The following PRKN variants were observed in gnomAD, a reference collection of about 807,000 sequenced individuals.
PRKN encodes the protein parkin RBR E3 ubiquitin protein ligase, also known as E3 ubiquitin-protein ligase parkin.
A neutral mutation model predicts 59.5 loss-of-function variants in PRKN; 56 were observed. That is an observed-to-expected ratio of 0.94 (90% confidence interval 0.76 to 1.18). PRKN has a LOEUF of 1.18. Ranked by LOEUF, PRKN falls within the 50% of genes most tolerant of loss-of-function variation. The pLI, the probability that PRKN is intolerant of heterozygous loss-of-function variation, is 0.00. For missense variants in PRKN, 657 were observed against 596.4 expected, an observed-to-expected ratio of 1.10 and a Z score of -1.06; for synonymous variants, 250 against 222.1, an observed-to-expected ratio of 1.13 and a Z score of -1.12.
At chr6:162,075,098 A>G (rs1329993132) in intron 4 of PRKN, among the ~76,000 whole-genome samples, 2 of 152,218 alleles carry the variant, frequency 1.3e-5, no homozygotes, top group South Asian at 4.1e-4. Context: ...TGGCTGTTGC[A>G]TGGAGGAAAG....
chr6:161,407,840 C>A lies in PRKN; in HGVS notation c.1084-20963G>T, dbSNP rs575694223. On this transcript the variant is annotated intron_variant, in intron 9 of 11. Coordinates refer to ENST00000366898, the MANE Select transcript of PRKN (RefSeq NM_004562.3). This position sits in a 1 kb window ranked among gnomAD's most constrained non-coding sequence, Gnocchi z 4.9. ...AGTTGACCTTGTGACATTCTTCTTT[C>A]GGACAATGAGTCTTATGATCTCCCC... 1.3e-5 allele frequency among the ~76,000 whole-genome samples: 2 copies of A among 152,138 alleles called. No homozygotes were observed. The highest frequency in any genetic ancestry group is 6.5e-5 in the Admixed American group (1 of 15,272).
At chr6:161,713,992 T>C (rs6935429) in intron 7 of PRKN, among the ~76,000 whole-genome samples, 3,684 of 152,266 alleles carry the variant, frequency 0.024, 172 homozygotes, top group African/African-American at 0.085. Context: ...TCTGCCATGA[T>C]TGTGAGGCCT....
chr6:161,832,213 C>T (rs994846057), intron 6 of PRKN, among the ~76,000 whole-genome samples: 3 of 152,210 alleles, frequency 2.0e-5, no homozygotes, highest in Non-Finnish European at 2.9e-5. Context: ...TGTTTTAAAA[C>T]TCAAAATAAG....
At chr6:162,306,997 G>A (rs1782259261) in intron 2 of PRKN, among the ~76,000 whole-genome samples, 1 of 152,134 alleles carries the variant, frequency 6.6e-6, no homozygotes, top group South Asian at 2.1e-4. Flanking sequence ...TTAAATTCAA[G>A]ATTTGTATTT....
intron 9 of PRKN, among the ~76,000 whole-genome samples, chr6:161,490,416 A>C (rs1282163110): frequency 3.8e-5 from 4 of 106,546 alleles, no homozygotes; most frequent in African/African-American, 7.6e-5. Context: ...ACAGAGTCTC[A>C]CTCTGTTGCC....
At chr6:162,477,356 C>G (rs562939130) in intron 1 of PRKN, among the ~76,000 whole-genome samples, 1 of 152,202 alleles carries the variant, frequency 6.6e-6, no homozygotes, top group Non-Finnish European at 1.5e-5. Flanking sequence ...AAAATAAATT[C>G]GCTGATGAAT....
At chr6:161,420,073 C>A (rs1788022994) in intron 9 of PRKN, among the ~76,000 whole-genome samples, 1 of 151,772 alleles carries the variant, frequency 6.6e-6, no homozygotes, top group African/African-American at 2.4e-5. Flanking sequence ...CCCGTCTCTA[C>A]TAAAAATACA....
At chr6:162,225,204 T>C (rs376843452) in intron 3 of PRKN, among the ~76,000 whole-genome samples, 1 of 152,232 alleles carries the variant, frequency 6.6e-6, no homozygotes, top group East Asian at 1.9e-4. Context: ...CCTGCTCTCA[T>C]AGTAACTAAT....
chr6:162,275,404 G>A (rs1780590235), intron 2 of PRKN: 1 of 152,108 alleles, frequency 6.6e-6, no homozygotes, highest in Non-Finnish European at 1.5e-5. Flanking sequence ...CAGAATAAAT[G>A]CTCTATTATT....
rs1242898850 is a variant in PRKN at position 161,349,274 on chromosome 6, C to T, written c.*825G>A. ...ATCTCCAAGTTGCAAAATGAATACT[C>T]AGAATCAAACTATAGATTTTTTGGT... On this transcript the variant is annotated 3_prime_UTR_variant, in exon 12 of 12. Coordinates refer to ENST00000366898, the MANE Select transcript of PRKN (RefSeq NM_004562.3). This position sits in a 1 kb window ranked among gnomAD's most constrained non-coding sequence, Gnocchi z 5.5. 8.9e-6 allele frequency: 2 copies of T among 225,726 alleles called. No homozygotes were observed. The highest frequency in any genetic ancestry group is 4.4e-5 in the African/African-American group (2 of 44,944). The allele number at this position is 225,726 out of a possible 1,614,324, so 14.0% of individuals were successfully genotyped here.
chr6:162,471,915 G>A (rs968380691), intron 1 of PRKN, among the ~76,000 whole-genome samples: 5 of 152,140 alleles, frequency 3.3e-5, no homozygotes, highest in Non-Finnish European at 2.9e-5. Context: ...TCTGTCCTCC[G>A]ATTGAAGAAG....
chr6:161,350,625 T>A (rs1784495233), intron 11 of PRKN, among the ~76,000 whole-genome samples: 1 of 120,434 alleles, frequency 8.3e-6, no homozygotes, highest in Non-Finnish European at 1.6e-5. Context: ...TATATATATT[T>A]TTATATATTT....
chr6:162,124,704 G>T (rs1781053197), intron 4 of PRKN, among the ~76,000 whole-genome samples: 1 of 152,114 alleles, frequency 6.6e-6, no homozygotes, highest in East Asian at 1.9e-4. Context: ...AATGCCACGG[G>T]ATTAAAAATA....
intron 1 of PRKN, among the ~76,000 whole-genome samples, chr6:162,667,967 T>C (rs1245184849): frequency 6.6e-6 from 1 of 152,126 alleles, no homozygotes; most frequent in Non-Finnish European, 1.5e-5. Flanking sequence ...ATAAGCACAA[T>C]TACTTATTTT....
Position 162,262,565 on chromosome 6 carries a change from G to T in PRKN, c.372C>A (p.His124Gln). The part of the protein sequence containing the change: ...GDSVGLAVIL[H>Q]TDSRKDSPPA... ...GTGGTGAGTCCTTCCTGCTGTCAGT[G>T]TGCAGAATGACAGCCAGCCCCACAG... Residue 124 changes from histidine to glutamine, a missense_variant, in exon 3 of 12, where the codon CAC becomes CAA. By Grantham distance (24) the His-to-Gln change is conservative. Transcript: ENST00000366898. 1 of 1,613,088 alleles carries T rather than the reference G, an allele frequency of 6.2e-7. No homozygotes were observed. Among genetic ancestry groups the T allele is most frequent in the African/African-American group, 1.3e-5 (1 of 75,014 alleles).
chr6:161,972,122 A>G (rs997867043), intron 6 of PRKN, among the ~76,000 whole-genome samples: 3 of 152,022 alleles, frequency 2.0e-5, no homozygotes, highest in African/African-American at 7.3e-5. Flanking sequence ...TAAAAATACA[A>G]AATAAGCCTG....
At chr6:161,786,659 C>T (rs1016395867) in intron 6 of PRKN, among the ~76,000 whole-genome samples, 4 of 152,120 alleles carry the variant, frequency 2.6e-5, no homozygotes, top group African/African-American at 7.2e-5. Context: ...AATTTCCCCA[C>T]TATCAAAAGA....
In PRKN at chr6:162,715,651, T is replaced by C. The variant is rs557717098; in HGVS notation, c.7+12011A>G. On this transcript the variant is annotated intron_variant, in intron 1 of 11. Coordinates refer to ENST00000366898, the MANE Select transcript of PRKN (RefSeq NM_004562.3). ...CCACTTCCTACTGCCTTAGAGTTCC[T>C]AGCATTAAGATTGAGCGGTTCCTCA... Among the ~76,000 whole-genome samples, 13 of 152,316 alleles carry C rather than the reference T, an allele frequency of 8.5e-5. No individual in the cohort carries two copies. The South Asian group carries it at 1.7e-3, about 19-fold the overall frequency.
chr6:162,589,352 A>T (rs906956436), intron 1 of PRKN, among the ~76,000 whole-genome samples: 10 of 151,914 alleles, frequency 6.6e-5, no homozygotes, highest in African/African-American at 1.9e-4. Flanking sequence ...CAAGAAATTT[A>T]AAAAAAATAA....
Sources: allele counts gnomAD v4.1 joint callset (sites outside exome capture counted in the v4.1 genomes callset), GRCh38; gene constraint gnomAD v4.1.1; non-coding constraint Gnocchi (gnomAD v3.1); transcripts MANE v1.5; gene names NCBI Gene and HGNC (gene_info 2026-07-23, HGNC 2026-07-21).